Variants in KLK8 observed in about 807,000 individuals in gnomAD.
KLK8 encodes kallikrein related peptidase 8.
KLK8 carries 18 observed loss-of-function variants against 26.7 expected under a neutral mutation model. The observed-to-expected ratio is 0.67, with a 90% CI of 0.47 to 1.00. The LOEUF (loss-of-function observed/expected upper bound fraction) is 1.00. KLK8 is among the 50% of genes least tolerant of loss of function. The pLI is 0.00. For synonymous variants in KLK8, 137 were observed against 127.1 expected (o/e 1.08, Z -0.52); for missense variants, 301 against 331.7 (o/e 0.91, Z 0.72).
At chr19:50,997,158 A>T (rs1011927043) in intron 6 of KLK8, among the ~76,000 whole-genome samples, 2 of 152,146 alleles carry the variant, frequency 1.3e-5, no homozygotes, top group African/African-American at 4.8e-5. Flanking sequence ...GGAACAACGA[A>T]GTTGCAGTTA....
chr19:50,999,277 T>G (rs2091197311), intron 5 of KLK8: 1 of 152,060 alleles, frequency 6.6e-6, no homozygotes. Flanking sequence ...CCAGGTTTCC[T>G]GGGTTCAAGA....
At chr19:50,998,243 T>C (rs1021973748) in intron 5 of KLK8, among the ~76,000 whole-genome samples, 1 of 152,200 alleles carries the variant, frequency 6.6e-6, no homozygotes. Context: ...CAATCTGTGC[T>C]AAATCCTGCT....
exon 4 of KLK8, chr19:51,000,445 G>A: frequency 5.6e-6 from 9 of 1,611,726 alleles, no homozygotes; most frequent in Non-Finnish European, 6.8e-6. Flanking sequence ...GTGGGCAGCT[G>A]TAAGGACCCA....
chr19:50,997,469 C>T (rs1394772811), intron 6 of KLK8, among the ~76,000 whole-genome samples: 1 of 152,122 alleles, frequency 6.6e-6, no homozygotes, highest in Non-Finnish European at 1.5e-5. Context: ...GGACATCTAC[C>T]CCACCCTCTA....
intron 5 of KLK8, among the ~76,000 whole-genome samples, chr19:50,998,312 C>T (rs766786305): frequency 2.0e-5 from 3 of 152,090 alleles, no homozygotes; most frequent in Non-Finnish European, 4.4e-5. Flanking sequence ...TAAAAAATAC[C>T]ATCCCTCCAT....
At chr19:51,000,011 C>A (rs775725030) in exon 5 of KLK8, 1 of 1,595,930 alleles carries the variant, frequency 6.3e-7, no homozygotes, top group South Asian at 1.1e-5. Context: ...GGACTGGTGA[C>A]AGTGCCCCAG....
At chr19:51,000,308 C>T (rs374417158) in intron 4 of KLK8, 50 bp from the exon 4 acceptor site, 164 of 1,543,992 alleles carry the variant, frequency 1.1e-4, no homozygotes, top group Non-Finnish European at 1.4e-4. Context: ...TTGCCCCCAG[C>T]CCCCTCCTCC....
exon 7 of KLK8, chr19:50,996,195 A>G: frequency 1.2e-6 from 2 of 1,614,130 alleles, no homozygotes; most frequent in South Asian, 1.1e-5. Context: ...ATCACACACC[A>G]GGGGGCCTCC....
At chr19:50,997,922 A>T in intron 5 of KLK8, 38 bp from the exon 5 acceptor site, 1 of 1,611,644 alleles carries the variant, frequency 6.2e-7, no homozygotes, top group Non-Finnish European at 8.5e-7. Context: ...CTGAGAGAGC[A>T]GCCCTTTGCC....
At position 51,001,263 on chromosome 19, in the gene KLK8, G is replaced by C. The variant is rs878876025; in HGVS notation, c.-8-88C>G. 270 of 1,114,682 alleles carry C rather than the reference G, an allele frequency of 2.4e-4. 5 individuals are homozygous for C. In the South Asian group the frequency reaches 3.4e-3, roughly 14 times the overall value. The allele number at this position is 1,114,682 out of a possible 1,614,324, so 69.0% of individuals were successfully genotyped here. On this transcript the variant is annotated intron_variant, in intron 2 of 6. Coordinates refer to ENST00000600767, the Ensembl canonical transcript of KLK8. Reference sequence around the variant, plus strand: ...ATTTGGGCACTGGGGAGGCAGCCGAGAGTATCTGGGGCTGTTCTGGGCTTC... The same window carrying C: ...ATTTGGGCACTGGGGAGGCAGCCGACAGTATCTGGGGCTGTTCTGGGCTTC...
In KLK8 at chr19:50,997,702, A is replaced by C. The variant is rs766627030; in HGVS notation, c.627+49T>G. 18 of 1,605,102 alleles carry C rather than the reference A, an allele frequency of 1.1e-5. No homozygotes were observed. The East Asian group carries it at 2.9e-4, about 26-fold the overall frequency. On this transcript the variant is annotated intron_variant, in intron 6 of 6. Transcript: ENST00000600767. Reference sequence around the variant, plus strand: ...ACCCCCATCCAAGCCTTGAACCTCGAGAGGGCAATGAGGGATGTGTGAGGA... The same window carrying C: ...ACCCCCATCCAAGCCTTGAACCTCGCGAGGGCAATGAGGGATGTGTGAGGA...
chr19:50,996,281 C>T, intron 6 of KLK8, 67 bp from the exon 6 acceptor site: 1 of 1,555,094 alleles, frequency 6.4e-7, no homozygotes, highest in Non-Finnish European at 8.8e-7. Context: ...CCTGCTGTCC[C>T]AGCGTTTTAC....
intron 6 of KLK8, among the ~76,000 whole-genome samples, chr19:50,997,425 C>T (rs1235362150): frequency 6.6e-6 from 1 of 152,112 alleles, no homozygotes; most frequent in African/African-American, 2.4e-5. Flanking sequence ...GCAGGCAACT[C>T]GTCTAAACTC....
chr19:50,997,696 AC>A, intron 6 of KLK8, 54 bp downstream of exon 5: 3 of 1,604,436 alleles, frequency 1.9e-6, no homozygotes, highest in Non-Finnish European at 2.6e-6. Context: ...CAAGCCTTGA[AC>A]CTCGAGAGGG....
chr19:51,001,061 A>ATCCCTCCG, intron 3 of KLK8, 37 bp downstream of exon 2: 1 of 1,579,526 alleles, frequency 6.3e-7, no homozygotes, highest in Non-Finnish European at 8.6e-7. Context: ...CTGCCTTCAG[A>ATCCCTCCG]TCCCTCCCCT....
intron 6 of KLK8, 55 bp from the exon 6 acceptor site, chr19:50,996,269 T>A: frequency 6.3e-7 from 1 of 1,583,098 alleles, no homozygotes; most frequent in Non-Finnish European, 8.6e-7. Flanking sequence ...AACGTCCCTT[T>A]TCCTGCTGTC....
intron 6 of KLK8, among the ~76,000 whole-genome samples, chr19:50,997,313 C>A (rs931822480): frequency 2.0e-4 from 30 of 152,134 alleles, no homozygotes; most frequent in Admixed American, 2.0e-4. Flanking sequence ...GAGAAGGGAA[C>A]CAGCCTTGGG....
intron 6 of KLK8, 64 bp from the exon 6 acceptor site, chr19:50,996,278 TCC>T: frequency 1.9e-6 from 3 of 1,564,682 alleles, no homozygotes; most frequent in South Asian, 2.3e-5. Context: ...TTTCCTGCTG[TCC>T]CAGCGTTTTA....
At chr19:50,999,859 C>G in intron 5 of KLK8, 137 bp downstream of exon 4, 2 of 916,024 alleles carry the variant, frequency 2.2e-6, no homozygotes, top group Non-Finnish European at 3.2e-6. Flanking sequence ...TCATATGACT[C>G]CTGCTTGTGA....
Sources: allele counts gnomAD v4.1 joint callset (sites outside exome capture counted in the v4.1 genomes callset), GRCh38; gene constraint gnomAD v4.1.1; transcripts MANE v1.5; gene names NCBI Gene and HGNC (gene_info 2026-07-23, HGNC 2026-07-21).